Variants in EPS15L1 observed in about 807,000 individuals in gnomAD.
EPS15L1 encodes the protein epidermal growth factor receptor substrate 15-like 1.
Under a neutral mutation model 117.1 loss-of-function variants are expected in EPS15L1, and 43 were observed. The observed-to-expected ratio is 0.37, with a 90% CI of 0.29 to 0.47. EPS15L1 has a LOEUF of 0.47. EPS15L1 is among the 20% of genes least tolerant of loss of function. EPS15L1 has a pLI of 0.99. For synonymous variants in EPS15L1, 459 were observed against 470.5 expected, an observed-to-expected ratio of 0.98 and a Z score of 0.32; for missense variants, 981 against 1,164.0, an observed-to-expected ratio of 0.84 and a Z score of 2.29.
At chr19:16,393,040 T>A (rs1216660295) in intron 18 of EPS15L1, among the ~76,000 whole-genome samples, 2 of 150,678 alleles carry the variant, frequency 1.3e-5, no homozygotes, top group Admixed American at 6.6e-5. Flanking sequence ...AAACCCCATC[T>A]CTAAATAAAT....
rs1202571410 is a variant in EPS15L1, at chr19:16,442,216, G to C, written c.37C>G (p.Pro13Ala). 1.9e-6 allele frequency: 3 copies of C among 1,613,378 alleles called. No homozygotes were observed. The highest frequency in any genetic ancestry group is 1.3e-5 in the African/African-American group (1 of 75,026). Reference protein sequence around the residue: ...APLIPLSQQIPTGNSLYESYY... With the variant: ...APLIPLSQQIATGNSLYESYY... ...GATTCATACAACGAATTTCCAGTGG[G>C]AATCTGTAAATGAAACCACAGATAT... Residue 13 changes from proline to alanine, a missense_variant, in exon 2 of 24, where the codon CCC becomes GCC. By Grantham distance (27) the Pro-to-Ala change is conservative. Around this residue, in one of 5 missense-constraint regions of EPS15L1, gnomAD observed 37 missense variants for 21.2 expected, o/e 1.75. Coordinates refer to ENST00000455140, the MANE Select transcript of EPS15L1 (RefSeq NM_001258374.3).
chr19:16,448,726 A>C (rs2145115660), intron 1 of EPS15L1, among the ~76,000 whole-genome samples: 1 of 152,044 alleles, frequency 6.6e-6, no homozygotes, highest in Admixed American at 6.6e-5. Context: ...GCTACCCAGG[A>C]GGCTAAGCCA....
intron 1 of EPS15L1, among the ~76,000 whole-genome samples, chr19:16,455,170 T>A (rs1599678607): frequency 6.6e-6 from 1 of 151,718 alleles, no homozygotes; most frequent in South Asian, 2.1e-4. Flanking sequence ...CAGGCTGGAG[T>A]GCAGTGGCAC....
Position 16,371,698 on chromosome 19 carries a change from G to A in EPS15L1, c.2380+5424C>T, listed in dbSNP as rs2092227494. ...GTGGCAAGGGTGGGGCCGGTCGCAGGATCCCACTATCGCAGCAGGGCTGAG... is the reference window on the plus strand; with the variant it reads ...GTGGCAAGGGTGGGGCCGGTCGCAGAATCCCACTATCGCAGCAGGGCTGAG... On this transcript the variant is annotated intron_variant, in intron 22 of 23. Coordinates refer to ENST00000455140, the MANE Select transcript of EPS15L1 (RefSeq NM_001258374.3). The surrounding 1 kb of genome is among the most constrained non-coding windows in gnomAD (Gnocchi z 4.7). Among the ~76,000 whole-genome samples the A allele has an allele frequency of 6.6e-6, 1 of 152,166 alleles. No individual in the cohort carries two copies. Among genetic ancestry groups the A allele is most frequent in the Non-Finnish European group, 1.5e-5 (1 of 68,034 alleles).
intron 7 of EPS15L1, among the ~76,000 whole-genome samples, chr19:16,431,006 A>C (rs1380700828): frequency 1.3e-5 from 2 of 152,274 alleles, no homozygotes; most frequent in South Asian, 2.1e-4. Context: ...TGGGAGTCCA[A>C]GGCAGGCGGA....
intron 1 of EPS15L1, among the ~76,000 whole-genome samples, chr19:16,443,133 T>C (rs2093048946): frequency 6.6e-6 from 1 of 152,194 alleles, no homozygotes; most frequent in South Asian, 2.1e-4. Context: ...CTGCCGCTGA[T>C]GTAATAAGCG....
chr19:16,365,928 C>T lies in EPS15L1; in HGVS notation c.2381-3944G>A, dbSNP rs1460659321. On this transcript the variant is annotated intron_variant, in intron 22 of 23. Coordinates refer to ENST00000455140, the MANE Select transcript of EPS15L1 (RefSeq NM_001258374.3). This position sits in a 1 kb window ranked among gnomAD's most constrained non-coding sequence, Gnocchi z 4.9. ...CAGGTGCCACCTGTTACAGATTCCA[C>T]GGGTCTCCAGGGACCTGGGGCCCTT... 2.0e-4 allele frequency among the ~76,000 whole-genome samples: 31 copies of T among 152,312 alleles called. No homozygotes were observed. The highest frequency in any genetic ancestry group is 6.5e-5 in the Admixed American group (1 of 15,308).
At position 16,421,437 on chromosome 19, in the gene EPS15L1, G is replaced by A; in HGVS notation, c.832C>T (p.Arg278Ter). 1 of 1,613,752 alleles carries A rather than the reference G, an allele frequency of 6.2e-7. No individual in the cohort carries two copies. The highest frequency in any genetic ancestry group is 8.5e-7 in the Non-Finnish European group (1 of 1,179,666). The change falls in exon 10 of 24, where the codon CGA becomes TGA. Residue 278 changes from arginine (R) to a stop codon, truncating the protein, a stop_gained. Coordinates refer to ENST00000455140, the MANE Select transcript of EPS15L1 (RefSeq NM_001258374.3). LOFTEE classifies it high-confidence loss of function. Reference sequence around the variant, plus strand: ...GTCTTCAGGAATATCTCATCAAATCGCATCTTGTCTGCCACGGGCACCACC... The same window carrying A: ...GTCTTCAGGAATATCTCATCAAATCACATCTTGTCTGCCACGGGCACCACC... ...NWVVPVADKM[R>*]FDEIFLKTDL...
chr19:16,433,779 A>G (rs1300805743), intron 7 of EPS15L1, among the ~76,000 whole-genome samples: 2 of 152,078 alleles, frequency 1.3e-5, no homozygotes, highest in Admixed American at 6.5e-5. Context: ...CCTGGCCAAC[A>G]TGGTAAAACA....
At chr19:16,413,502 A>G in intron 13 of EPS15L1, 1 of 725,136 alleles carries the variant, frequency 1.4e-6, no homozygotes, top group Non-Finnish European at 2.3e-6. Flanking sequence ...TCAGGAGTTC[A>G]CTGACCACCT....
At chr19:16,392,802 C>T (rs912090565) in intron 18 of EPS15L1, among the ~76,000 whole-genome samples, 1 of 152,002 alleles carries the variant, frequency 6.6e-6, no homozygotes, top group African/African-American at 2.4e-5. Context: ...GCCTGTAATC[C>T]CATCACTTTA....
rs184322228 is a variant in EPS15L1 at position 16,450,982 on chromosome 19, G to A, written c.34-8763C>T. On this transcript the variant is annotated intron_variant, in intron 1 of 23. Transcript: ENST00000455140. ...CTTTTTTTTTTGAGACAAGAGTCTC[G>A]CTCTGTTGCCCAGGCTGGATGGCAG... is the stretch of plus-strand genomic sequence containing the variant. Among the ~76,000 whole-genome samples the A allele has an allele frequency of 2.4e-4, 36 of 150,430 alleles. 1 individual carries two copies. The East Asian group carries it at 3.0e-3, about 12-fold the overall frequency.
intron 1 of EPS15L1, among the ~76,000 whole-genome samples, chr19:16,446,886 G>C (rs1311921067): frequency 6.6e-6 from 1 of 152,204 alleles, no homozygotes; most frequent in Non-Finnish European, 1.5e-5. Flanking sequence ...GGAAAGCTGA[G>C]ACCCCATAAT....
intron 1 of EPS15L1, among the ~76,000 whole-genome samples, chr19:16,451,998 G>A (rs2093148931): frequency 6.6e-6 from 1 of 151,550 alleles, no homozygotes; most frequent in South Asian, 2.1e-4. Flanking sequence ...AATTAGCTGG[G>A]TGCGGTGGCG....
rs529870860 is a variant in EPS15L1, at chr19:16,451,775, C to A, written c.34-9556G>T. ...CGATCTCCTGACCTCGTGATCCACC[C>A]GCCTCGGCCTGCCAGAGTGCTGGGA... On this transcript the variant is annotated intron_variant, in intron 1 of 23. Transcript: ENST00000455140. Among the ~76,000 whole-genome samples the A allele has an allele frequency of 1.2e-4, 18 of 150,668 alleles. 1 individual carries two copies. In the South Asian group the frequency reaches 3.8e-3, roughly 32 times the overall value.
At chr19:16,417,315 A>G (rs1599612190) in intron 12 of EPS15L1, 1 of 494,954 alleles carries the variant, frequency 2.0e-6, no homozygotes, top group East Asian at 3.8e-5. Context: ...GCTCTGGTCA[A>G]GACCTGCCTG....
chr19:16,418,729 G>A (rs1599615810), intron 10 of EPS15L1, among the ~76,000 whole-genome samples: 1 of 152,184 alleles, frequency 6.6e-6, no homozygotes, highest in Non-Finnish European at 1.5e-5. Context: ...TCATGAGGGT[G>A]GAGCCTCAGG....
intron 12 of EPS15L1, among the ~76,000 whole-genome samples, chr19:16,416,619 AG>A (rs1436037682): frequency 6.6e-6 from 1 of 151,478 alleles, no homozygotes; most frequent in Non-Finnish European, 1.5e-5. Context: ...CCTAGGTGAC[AG>A]AATGAGACTC....
chr19:16,428,647 T>G, intron 8 of EPS15L1, 55 bp downstream of exon 8: 2 of 1,344,476 alleles, frequency 1.5e-6, no homozygotes, highest in Non-Finnish European at 2.1e-6. Context: ...CAGCAACCCC[T>G]GCGCACTGCA....
Sources: gnomAD v4.1 joint callset for allele counts (sites outside exome capture counted in the v4.1 genomes callset) on GRCh38, gnomAD v4.1.1 for gene constraint, gnomAD v4.1.1 regional missense constraint, Gnocchi (gnomAD v3.1) non-coding constraint, MANE v1.5 for transcripts, NCBI Gene and HGNC (gene_info 2026-07-23, HGNC 2026-07-21) for gene names.